The following SLC7A7 variants were observed in gnomAD, a reference collection of about 807,000 sequenced individuals.
The protein encoded by SLC7A7 is solute carrier family 7 member 7.
In SLC7A7, 39 loss-of-function variants were observed where a neutral mutation model predicts 47.9. The observed-to-expected ratio is 0.81, with a 90% CI of 0.63 to 1.06. SLC7A7 has a LOEUF of 1.06. Ranked by LOEUF, SLC7A7 falls within the 50% of genes least tolerant of loss-of-function variation. SLC7A7 has a pLI of 0.00. For synonymous variants in SLC7A7, 234 were observed against 242.8 expected (o/e 0.96, Z 0.34); for missense variants, 588 against 632.0 (o/e 0.93, Z 0.75).
intron 2 of SLC7A7, among the ~76,000 whole-genome samples, chr14:22,811,186 T>C (rs1204785126): frequency 6.6e-6 from 1 of 151,932 alleles, no homozygotes; most frequent in Non-Finnish European, 1.5e-5. Flanking sequence ...GGAAAGGAAG[T>C]TGAGGAGTGA....
chr14:22,774,749 C>T (rs1268289298), intron 7 of SLC7A7, among the ~76,000 whole-genome samples: 1 of 152,132 alleles, frequency 6.6e-6, no homozygotes, highest in Non-Finnish European at 1.5e-5. Flanking sequence ...CGAAACAATC[C>T]CTCAAAAGTC....
chr14:22,813,040 A>T lies in SLC7A7; in HGVS notation c.359T>A (p.Leu120His). The stretch of plus-strand genomic sequence containing the variant: ...CTCAATGATGAGCAGGGAGGTCCAG[A>T]GTCTGATGAAAGCAAGGAATCCTCC... ...AFGGFLAFIR[L>H]WTSLLIIEPT... Residue 120 changes from leucine to histidine, a missense_variant, in exon 2 of 10, where the codon CTC becomes CAC. Physicochemically the swap from Leu to His is moderately conservative, Grantham distance 99. Coordinates refer to ENST00000674313, the MANE Select transcript of SLC7A7 (RefSeq NM_003982.4). The T allele has an allele frequency of 5.6e-6, 9 of 1,614,088 alleles. No homozygotes were observed. Among genetic ancestry groups the T allele is most frequent in the Non-Finnish European group, 7.6e-6 (9 of 1,180,004 alleles).
At chr14:22,808,593 G>A (rs117274669) in intron 2 of SLC7A7, among the ~76,000 whole-genome samples, 3,226 of 152,080 alleles carry the variant, frequency 0.021, 51 homozygotes, top group Non-Finnish European at 0.031. Flanking sequence ...GATAGCTTGA[G>A]CCCAGGAGTT....
chr14:22,795,414 C>A (rs1328874815), intron 2 of SLC7A7, among the ~76,000 whole-genome samples: 1 of 117,938 alleles, frequency 8.5e-6, no homozygotes, highest in Non-Finnish European at 1.8e-5. Context: ...TTCTTTCTTT[C>A]TTTCTTTCTT....
At chr14:22,816,008 A>C (rs1443443984), upstream of SLC7A7, 1 of 240,898 alleles carries the variant, frequency 4.2e-6, no homozygotes, top group African/African-American at 2.2e-5. Context: ...AGCCTGGGCC[A>C]CTGCCCCAAA....
intron 2 of SLC7A7, among the ~76,000 whole-genome samples, chr14:22,789,611 G>A (rs894718112): frequency 1.7e-4 from 23 of 137,114 alleles, no homozygotes; most frequent in African/African-American, 6.3e-4. Flanking sequence ...CTGGGCAACA[G>A]AGCAAGACTC....
Position 22,773,271 on chromosome 14 carries a change from GTC to G in SLC7A7, c.*337_*338del. The stretch of plus-strand genomic sequence containing the variant: ...CATCCAGCACCTGTGATAGTTTCAT[GTC>G]TCTCTAAAGGAGACAGGAAATTGGA... On this transcript the variant is annotated 3_prime_UTR_variant, in exon 10 of 10. Coordinates refer to ENST00000674313, the MANE Select transcript of SLC7A7 (RefSeq NM_003982.4). The G allele has an allele frequency of 2.2e-6, 1 of 453,828 alleles. No homozygotes were observed. 28.1% of individuals were successfully genotyped at this position (453,828 alleles called of 1,614,324 possible).
intron 1 of SLC7A7, among the ~76,000 whole-genome samples, chr14:22,814,205 C>T (rs543542438): frequency 6.5e-4 from 99 of 151,438 alleles, no homozygotes; most frequent in Non-Finnish European, 1.3e-3. Context: ...AATCTTGGGC[C>T]GGGCGCTGTG....
chr14:22,797,118 C>CT (rs1400807936), intron 2 of SLC7A7, among the ~76,000 whole-genome samples: 1 of 152,132 alleles, frequency 6.6e-6, no homozygotes, highest in Non-Finnish European at 1.5e-5. Flanking sequence ...CTTGAGAAAA[C>CT]TGAGGTCAGG....
At chr14:22,787,605 A>G (rs2139411366) in intron 2 of SLC7A7, among the ~76,000 whole-genome samples, 1 of 151,438 alleles carries the variant, frequency 6.6e-6, no homozygotes, top group South Asian at 2.1e-4. Context: ...AAAATGCAAA[A>G]ATTAGCAGGG....
At chr14:22,792,296 C>G (rs1477678088) in intron 2 of SLC7A7, among the ~76,000 whole-genome samples, 1 of 152,182 alleles carries the variant, frequency 6.6e-6, no homozygotes, top group South Asian at 2.1e-4. Flanking sequence ...GGTGCAGTGG[C>G]TCATGCCTAT....
At chr14:22,790,056 C>T (rs2038896977) in intron 2 of SLC7A7, among the ~76,000 whole-genome samples, 1 of 152,136 alleles carries the variant, frequency 6.6e-6, no homozygotes, top group African/African-American at 2.4e-5. Context: ...TGGCTGGGCA[C>T]AGTGGCTCGC....
chr14:22,777,210 C>T (rs73586420), intron 4 of SLC7A7, among the ~76,000 whole-genome samples: 12,408 of 149,306 alleles, frequency 0.083, 540 homozygotes, highest in Non-Finnish European at 0.095. Flanking sequence ...AGCATCATAA[C>T]GCACAGGAAA....
chr14:22,779,828 A>G, intron 3 of SLC7A7, 98 bp downstream of exon 3: 1 of 1,113,554 alleles, frequency 9.0e-7, no homozygotes, highest in East Asian at 2.5e-5. Context: ...GAATAAGGTT[A>G]TAGTAAGAAA....
intron 4 of SLC7A7, among the ~76,000 whole-genome samples, chr14:22,777,840 A>G (rs1002064794): frequency 1.3e-5 from 2 of 152,284 alleles, no homozygotes; most frequent in Non-Finnish European, 2.9e-5. Flanking sequence ...TTGGGAGGCT[A>G]AGGCGGGCGG....
intron 2 of SLC7A7, among the ~76,000 whole-genome samples, chr14:22,798,070 T>C (rs2039048503): frequency 6.6e-6 from 1 of 151,978 alleles, no homozygotes; most frequent in Admixed American, 6.6e-5. Context: ...CCGAGGAAGG[T>C]AGATCACCTG....
At chr14:22,807,178 C>T (rs894050100) in intron 2 of SLC7A7, among the ~76,000 whole-genome samples, 3 of 152,150 alleles carry the variant, frequency 2.0e-5, no homozygotes, top group African/African-American at 4.8e-5. Context: ...GGATTACAGG[C>T]GTGAGCCACC....
chr14:22,791,242 C>T (rs1194543747), intron 2 of SLC7A7, among the ~76,000 whole-genome samples: 3 of 152,142 alleles, frequency 2.0e-5, no homozygotes, highest in African/African-American at 4.8e-5. Context: ...ACACATCTCT[C>T]CCAATCCCTA....
At chr14:22,775,187 C>T (rs1239747445) in intron 7 of SLC7A7, among the ~76,000 whole-genome samples, 1 of 152,090 alleles carries the variant, frequency 6.6e-6, no homozygotes, top group African/African-American at 2.4e-5. Context: ...CACTATCTGT[C>T]ATGGCAATCA....
Sources: allele counts gnomAD v4.1 joint callset (sites outside exome capture counted in the v4.1 genomes callset), GRCh38; gene constraint gnomAD v4.1.1; transcripts MANE v1.5; gene names NCBI Gene and HGNC (gene_info 2026-07-23, HGNC 2026-07-21).